Variants in FYB1 observed in about 807,000 individuals in gnomAD.
FYB1 encodes FYN binding protein 1, also known as FYN-binding protein 1.
Under a neutral mutation model 94.1 loss-of-function variants are expected in FYB1, and 41 were observed. That is an observed-to-expected ratio of 0.44 (90% CI 0.34 to 0.57). The LOEUF (loss-of-function observed/expected upper bound fraction) is 0.57, where lower values mean the gene tolerates loss of function less well. Ranked by LOEUF, FYB1 falls within the 20% of genes least tolerant of loss-of-function variation. The probability of loss-of-function intolerance (pLI) is 0.02; values close to 1 mark genes in which losing one functional copy is unlikely to be tolerated. For synonymous variants in FYB1, 367 were observed against 353.2 expected (o/e 1.04, Z -0.44); for missense variants, 1,050 against 976.8 (o/e 1.07, Z -1.00).
intron 1 of FYB1, among the ~76,000 whole-genome samples, chr5:39,259,063 G>T (rs1561314450): frequency 6.6e-6 from 1 of 152,008 alleles, no homozygotes; most frequent in Admixed American, 6.5e-5. Context: ...GGGGGGTTGG[G>T]GATTTTGCCC....
intron 2 of FYB1, among the ~76,000 whole-genome samples, chr5:39,157,560 G>C (rs1743865267): frequency 6.6e-6 from 1 of 152,160 alleles, no homozygotes; most frequent in Non-Finnish European, 1.5e-5. Context: ...ACTGAAATCA[G>C]GGAATTTTGA....
intron 1 of FYB1, among the ~76,000 whole-genome samples, chr5:39,254,516 T>C (rs1751854502): frequency 6.6e-6 from 1 of 152,236 alleles, no homozygotes; most frequent in Non-Finnish European, 1.5e-5. Flanking sequence ...AATCTCAGTG[T>C]TTCCCTAAAT....
At chr5:39,126,428 G>T (rs1740676596) in intron 11 of FYB1, among the ~76,000 whole-genome samples, 1 of 152,008 alleles carries the variant, frequency 6.6e-6, no homozygotes, top group African/African-American at 2.4e-5. Flanking sequence ...GGATGTGGTG[G>T]CTCACCCCTG....
intron 2 of FYB1, among the ~76,000 whole-genome samples, chr5:39,186,092 C>G (rs570115205): frequency 6.6e-6 from 1 of 152,034 alleles, no homozygotes. Context: ...GCTGCACAAA[C>G]AGAAACGGTG....
At chr5:39,196,130 T>C (rs1747811269) in intron 2 of FYB1, among the ~76,000 whole-genome samples, 1 of 152,102 alleles carries the variant, frequency 6.6e-6, no homozygotes, top group Non-Finnish European at 1.5e-5. Flanking sequence ...TTAAAACAAT[T>C]GCTAAGCTAT....
At chr5:39,154,220 T>G (rs1334918883) in intron 2 of FYB1, among the ~76,000 whole-genome samples, 5 of 152,216 alleles carry the variant, frequency 3.3e-5, no homozygotes, top group Non-Finnish European at 7.3e-5. Flanking sequence ...AATTTCTAGG[T>G]TCTATCTGCT....
At chr5:39,222,045 A>AAATAAAATAAAATAAAAT (rs1186243510), upstream of FYB1, among the ~76,000 whole-genome samples, 11 of 152,142 alleles carry the variant, frequency 7.2e-5, no homozygotes, top group African/African-American at 2.4e-4. Context: ...AAATAAAATA[A>AAATAAAATAAAATAAAAT]AATAAAATGA....
intron 2 of FYB1, among the ~76,000 whole-genome samples, chr5:39,201,420 C>T (rs10941424): frequency 0.73 from 111,324 of 152,072 alleles, 44,636 homozygotes; most frequent in Non-Finnish European, 0.9. Flanking sequence ...AAAATTGTTC[C>T]CTTTGGGAAC....
intron 1 of FYB1, among the ~76,000 whole-genome samples, chr5:39,265,644 C>A (rs1390037109): frequency 6.6e-6 from 1 of 152,070 alleles, no homozygotes; most frequent in Non-Finnish European, 1.5e-5. Context: ...GCAACAAGAG[C>A]AAAACTCTGT....
At chr5:39,180,867 A>G (rs1466057506) in intron 2 of FYB1, among the ~76,000 whole-genome samples, 1 of 152,198 alleles carries the variant, frequency 6.6e-6, no homozygotes, top group Non-Finnish European at 1.5e-5. Context: ...TTACCACCGT[A>G]CATTTTTTAT....
intron 1 of FYB1, among the ~76,000 whole-genome samples, chr5:39,226,782 G>T (rs1268446130): frequency 1.3e-5 from 2 of 152,142 alleles, no homozygotes; most frequent in Non-Finnish European, 2.9e-5. Flanking sequence ...GTAGGTTTAG[G>T]GTGGTGCCAG....
intron 1 of FYB1, among the ~76,000 whole-genome samples, chr5:39,231,954 T>TA (rs1050525554): frequency 8.4e-4 from 127 of 151,882 alleles, no homozygotes; most frequent in African/African-American, 2.8e-3. Flanking sequence ...TGAAGAGACT[T>TA]AAAAAAAAGT....
At chr5:39,184,595 A>T (rs1189331904) in intron 2 of FYB1, among the ~76,000 whole-genome samples, 1 of 152,192 alleles carries the variant, frequency 6.6e-6, no homozygotes, top group Non-Finnish European at 1.5e-5. Flanking sequence ...GGAACAATTA[A>T]TTTCATATTT....
rs773383274 is a variant in FYB1, at chr5:39,206,820, CA to C, written c.-27-3834del. On this transcript the variant is annotated intron_variant, in intron 1 of 18. Coordinates refer to ENST00000512982, the MANE Select transcript of FYB1 (RefSeq NM_001465.6). ...GCAAACATAAACACACACATATTCA[CA>C]AACAAACACCCTTCCTTCTCCCACT... Among the ~76,000 whole-genome samples the C allele has an allele frequency of 4.7e-4, 72 of 152,284 alleles. 1 individual carries two copies. Among genetic ancestry groups the C allele is most frequent in the Non-Finnish European group, 8.1e-4 (55 of 68,014 alleles).
intron 2 of FYB1, among the ~76,000 whole-genome samples, chr5:39,199,056 T>C (rs941221679): frequency 6.6e-6 from 1 of 151,850 alleles, no homozygotes; most frequent in Non-Finnish European, 1.5e-5. Flanking sequence ...TTTTCCCATC[T>C]AAAGACTGTA....
upstream of FYB1, among the ~76,000 whole-genome samples, chr5:39,220,266 C>T (rs1454458017): frequency 6.6e-6 from 1 of 151,524 alleles, no homozygotes; most frequent in East Asian, 1.9e-4. Flanking sequence ...AAAAAATTAG[C>T]CAAGTGTGAT....
rs140135509 is a variant in FYB1 at position 39,135,709 on chromosome 5, G to A, written c.1516-695C>T. On this transcript the variant is annotated intron_variant, in intron 7 of 18. Coordinates refer to ENST00000512982, the MANE Select transcript of FYB1 (RefSeq NM_001465.6). Reference sequence around the variant, plus strand: ...TCTACCTTTAATTTATTGAATTTATGATGGCATTAATTATAAACATTTATC... The same window carrying A: ...TCTACCTTTAATTTATTGAATTTATAATGGCATTAATTATAAACATTTATC... Among the ~76,000 whole-genome samples the A allele has an allele frequency of 1.9e-3, 289 of 152,234 alleles. 1 individual carries two copies. Among genetic ancestry groups the A allele is most frequent in the African/African-American group, 6.7e-3 (279 of 41,536 alleles).
Position 39,106,998 on chromosome 5 carries a change from A to G in FYB1, c.*445T>C, listed in dbSNP as rs2161612. ...GAATATAAGATATAACCATAAGTAG[A>G]AGTATAAACAATAATTTTTCTTCTT... On this transcript the variant is annotated 3_prime_UTR_variant, in exon 19 of 19. Coordinates refer to ENST00000512982, the MANE Select transcript of FYB1 (RefSeq NM_001465.6). 0.31 allele frequency: 47,084 copies of G among 152,110 alleles called. 8,142 individuals are homozygous for G. Among genetic ancestry groups the G allele is most frequent in the Non-Finnish European group, 0.39 (26,473 of 67,968 alleles). The allele number at this position is 152,110 out of a possible 1,614,324, so 9.4% of individuals were successfully genotyped here. A position where few individuals can be genotyped will look rare whatever the true frequency, so the allele number is the denominator to read the frequency against.
At chr5:39,150,624 G>A (rs1291011137) in intron 3 of FYB1, among the ~76,000 whole-genome samples, 1 of 152,144 alleles carries the variant, frequency 6.6e-6, no homozygotes, top group African/African-American at 2.4e-5. Context: ...GCTGATGGAA[G>A]CATGATACTT....
Sources: gnomAD v4.1 joint callset for allele counts (sites outside exome capture counted in the v4.1 genomes callset) on GRCh38, gnomAD v4.1.1 for gene constraint, MANE v1.5 for transcripts, NCBI Gene and HGNC (gene_info 2026-07-23, HGNC 2026-07-21) for gene names.